The following ZMYM2 variants were observed in gnomAD, a reference collection of about 807,000 sequenced individuals.
ZMYM2 encodes zinc finger MYM-type containing 2, also known as zinc finger MYM-type protein 2.
Under a neutral mutation model 162.8 loss-of-function variants are expected in ZMYM2, and 56 were observed. The ratio of observed to expected loss-of-function variants is 0.34; its 90% confidence interval spans 0.28 to 0.43. The LOEUF is 0.43. Ranked by LOEUF, ZMYM2 falls within the 20% of genes least tolerant of loss-of-function variation. ZMYM2 has a pLI of 1.00. For synonymous variants in ZMYM2, 510 were observed against 541.6 expected (o/e 0.94, Z 0.81); for missense variants, 1,275 against 1,621.8 (o/e 0.79, Z 3.67).
At chr13:19,974,306 T>C (rs1184115019) in intron 2 of ZMYM2, among the ~76,000 whole-genome samples, 1 of 152,216 alleles carries the variant, frequency 6.6e-6, no homozygotes, top group Non-Finnish European at 1.5e-5. Context: ...ACACTTAATT[T>C]ATATTTGTGG....
intron 2 of ZMYM2, among the ~76,000 whole-genome samples, chr13:19,983,970 CAGAACTA>C (rs1469849543): frequency 3.9e-5 from 6 of 152,240 alleles, no homozygotes; most frequent in Admixed American, 1.3e-4. Flanking sequence ...CATATTAACT[CAGAACTA>C]TTATAAGTGC....
At chr13:20,024,533 C>A (rs535166972) in intron 7 of ZMYM2, 2 of 222,678 alleles carry the variant, frequency 9.0e-6, no homozygotes, top group Non-Finnish European at 1.8e-5. Context: ...TTCTGTCTTG[C>A]AAACTTGCAA....
the ZMYM2 span, among the ~76,000 whole-genome samples, chr13:19,946,573 T>C: frequency 6.6e-6 from 1 of 152,354 alleles, no homozygotes; most frequent in South Asian, 2.1e-4. Flanking sequence ...ACTTACTTTA[T>C]TCATTTTGTT....
chr13:20,037,762 TC>T (rs1380693777), intron 12 of ZMYM2, among the ~76,000 whole-genome samples: 4 of 152,298 alleles, frequency 2.6e-5, no homozygotes, highest in African/African-American at 9.6e-5. Flanking sequence ...ACTTTTAGGT[TC>T]AGGGGTACAT....
intron 21 of ZMYM2, among the ~76,000 whole-genome samples, chr13:20,077,722 T>C (rs1393737834): frequency 6.6e-6 from 1 of 152,172 alleles, no homozygotes; most frequent in African/African-American, 2.4e-5. Flanking sequence ...GGAGAAAGCT[T>C]TGGGGTATTG....
intron 21 of ZMYM2, among the ~76,000 whole-genome samples, chr13:20,077,260 C>T (rs1957572881): frequency 6.6e-6 from 1 of 150,532 alleles, no homozygotes; most frequent in African/African-American, 2.5e-5. Context: ...CTGTTTACTG[C>T]TTTCCACATA....
chr13:19,910,116 A>G, the ZMYM2 span, among the ~76,000 whole-genome samples: 8 of 151,392 alleles, frequency 5.3e-5, no homozygotes, highest in East Asian at 1.6e-3. Flanking sequence ...AGTCCCAGCT[A>G]CTCGGGAGGC....
chr13:19,909,436 T>G, the ZMYM2 span, among the ~76,000 whole-genome samples: 1 of 147,346 alleles, frequency 6.8e-6, no homozygotes, highest in East Asian at 2.0e-4. Context: ...TTTTCGTTTT[T>G]TTTTTTTTTT....
At chr13:19,994,947 C>T (rs1011594727) in intron 3 of ZMYM2, among the ~76,000 whole-genome samples, 6 of 151,216 alleles carry the variant, frequency 4.0e-5, no homozygotes, top group African/African-American at 7.3e-5. Flanking sequence ...ATCCTTCCAT[C>T]GCAGCCTCCA....
the ZMYM2 span, chr13:19,864,396 C>T: frequency 6.4e-6 from 1 of 155,128 alleles, no homozygotes; most frequent in East Asian, 1.9e-4. Flanking sequence ...AGGACTTGTC[C>T]CGGAAGCCCC....
At chr13:19,986,065 T>C (rs752180145) in intron 2 of ZMYM2, among the ~76,000 whole-genome samples, 1 of 151,826 alleles carries the variant, frequency 6.6e-6, no homozygotes, top group Non-Finnish European at 1.5e-5. Flanking sequence ...GGCGTGTGCC[T>C]GTGGTCCCCG....
chr13:19,875,448 T>C, the ZMYM2 span, among the ~76,000 whole-genome samples: 1 of 151,756 alleles, frequency 6.6e-6, no homozygotes, highest in Non-Finnish European at 1.5e-5. Flanking sequence ...GCCAACATGG[T>C]GAAACCCTGT....
At chr13:19,956,802 A>G (rs1053670301), upstream of ZMYM2, among the ~76,000 whole-genome samples, 2 of 152,232 alleles carry the variant, frequency 1.3e-5, no homozygotes, top group African/African-American at 4.8e-5. Context: ...AATGAGCTGA[A>G]GCTACTTCAA....
chr13:19,938,952 A>C, the ZMYM2 span, among the ~76,000 whole-genome samples: 1 of 151,924 alleles, frequency 6.6e-6, no homozygotes, highest in Non-Finnish European at 1.5e-5. Flanking sequence ...GCCTCAATTC[A>C]TGAATCATGA....
chr13:20,041,021 A>T lies in ZMYM2; in HGVS notation c.2292+4112A>T, dbSNP rs139777304. ...TTTACTGAGGAATGTTTTATATGTGATTATGTGATCAATTTTAAGAGTATG... is the reference window on the plus strand; with the variant it reads ...TTTACTGAGGAATGTTTTATATGTGTTTATGTGATCAATTTTAAGAGTATG... On this transcript the variant is annotated intron_variant, in intron 12 of 24. Coordinates refer to ENST00000610343, the MANE Select transcript of ZMYM2 (RefSeq NM_197968.4). Among the ~76,000 whole-genome samples the T allele has an allele frequency of 8.4e-3, 1,285 of 152,274 alleles. 13 individuals carry two copies. Among genetic ancestry groups the T allele is most frequent in the Middle Eastern group, 0.041 (12 of 294 alleles).
chr13:20,011,581 T>TTTTG (rs1555300360), intron 6 of ZMYM2, among the ~76,000 whole-genome samples: 12 of 150,294 alleles, frequency 8.0e-5, no homozygotes, highest in African/African-American at 2.7e-4. Context: ...TTGTTTTATT[T>TTTTG]TTTTTTTTTT....
At chr13:19,868,173 T>C in the ZMYM2 span, among the ~76,000 whole-genome samples, 1 of 152,224 alleles carries the variant, frequency 6.6e-6, no homozygotes, top group Non-Finnish European at 1.5e-5. Flanking sequence ...ATTCTTTCTC[T>C]CCAAATAAAA....
intron 3 of ZMYM2, among the ~76,000 whole-genome samples, chr13:19,997,179 C>T (rs1042685673): frequency 6.6e-6 from 1 of 152,144 alleles, no homozygotes; most frequent in Non-Finnish European, 1.5e-5. Flanking sequence ...ACTGCATTTT[C>T]TCATACCATT....
chr13:20,066,914 T>G lies in ZMYM2; in HGVS notation c.3196T>G (p.Cys1066Gly). 1.2e-6 allele frequency: 2 copies of G among 1,613,498 alleles called. No individual in the cohort carries two copies. The highest frequency in any genetic ancestry group is 1.7e-6 in the Non-Finnish European group (2 of 1,179,630). Residue 1066 changes from cysteine (C) to glycine (G), a missense_variant, in exon 20 of 25, where the codon TGC (cysteine) becomes GGC (glycine). This residue lies in a region of ZMYM2 where 229 missense variants were observed against 283.8 expected (regional missense o/e 0.81). Coordinates refer to ENST00000610343, the MANE Select transcript of ZMYM2 (RefSeq NM_197968.4). ...SHDDSSDNSE[C>G]SFPFKYTYGV... ...TGATGATAGTTCTGACAATTCAGAATGCAGCTTTCCTTTCAAATATACGTA... is the reference window on the plus strand; with the variant it reads ...TGATGATAGTTCTGACAATTCAGAAGGCAGCTTTCCTTTCAAATATACGTA...
Sources: gnomAD v4.1 joint callset for allele counts (sites outside exome capture counted in the v4.1 genomes callset) on GRCh38, gnomAD v4.1.1 for gene constraint, gnomAD v4.1.1 regional missense constraint, MANE v1.5 for transcripts, NCBI Gene and HGNC (gene_info 2026-07-23, HGNC 2026-07-21) for gene names.